Variants in DLC1 observed in about 807,000 individuals in gnomAD.
DLC1 encodes the protein rho GTPase-activating protein 7.
In DLC1, 54 loss-of-function variants were observed where a neutral mutation model predicts 140.3. That is an observed-to-expected ratio of 0.38 (90% CI 0.31 to 0.48). The LOEUF is 0.48. Ranked by LOEUF, DLC1 falls within the 20% of genes least tolerant of loss-of-function variation. The pLI, the probability that DLC1 is intolerant of heterozygous loss-of-function variation, is 0.96. For missense variants in DLC1, 2,536 were observed against 1,907.0 expected, an observed-to-expected ratio of 1.33 and a Z score of -6.14; for synonymous variants, 986 against 728.1, an observed-to-expected ratio of 1.35 and a Z score of -5.70.
At chr8:13,153,522 T>C (rs1428932985) in intron 5 of DLC1, among the ~76,000 whole-genome samples, 1 of 152,208 alleles carries the variant, frequency 6.6e-6, no homozygotes, top group Non-Finnish European at 1.5e-5. Flanking sequence ...CACTGCTGGC[T>C]CCAGCAGCCT....
At chr8:13,484,364 C>T (rs530834586) in intron 2 of DLC1, among the ~76,000 whole-genome samples, 1 of 152,118 alleles carries the variant, frequency 6.6e-6, no homozygotes, top group African/African-American at 2.4e-5. Flanking sequence ...TAGCTTAACT[C>T]TCTCTACCTA....
chr8:13,219,197 A>AGAATATAATTATATAATTATAATAT (rs1563174472), intron 5 of DLC1, among the ~76,000 whole-genome samples: 6 of 131,028 alleles, frequency 4.6e-5, no homozygotes, highest in African/African-American at 1.4e-4. Context: ...TAACTATATA[A>AGAATATAATTATATAATTATAATAT]GAATATAATT....
chr8:13,538,772 A>C (rs1803385738), intron 1 of DLC1, among the ~76,000 whole-genome samples: 1 of 152,244 alleles, frequency 6.6e-6, no homozygotes, highest in Non-Finnish European at 1.5e-5. Flanking sequence ...TTTCAAGCTC[A>C]GACTGCTGAC....
chr8:13,439,641 A>G (rs951851619), intron 2 of DLC1, among the ~76,000 whole-genome samples: 1 of 152,204 alleles, frequency 6.6e-6, no homozygotes, highest in East Asian at 1.9e-4. Flanking sequence ...GATAAAATCT[A>G]GACCAGTTAT....
intron 2 of DLC1, among the ~76,000 whole-genome samples, chr8:13,413,277 T>TTTTTTTTTTTTTTTTTG (rs1837880078): frequency 2.1e-5 from 3 of 146,114 alleles, no homozygotes; most frequent in Admixed American, 6.9e-5. Flanking sequence ...TTTTTTTTTT[T>TTTTTTTTTTTTTTTTTG]AGCTCATCAA....
chr8:13,324,956 A>C (rs1220785710), intron 4 of DLC1, among the ~76,000 whole-genome samples: 4 of 152,334 alleles, frequency 2.6e-5, no homozygotes, highest in East Asian at 1.9e-4. Context: ...TCATAAAATA[A>C]TCCAAATGGT....
At chr8:13,341,793 C>T (rs1370737969) in intron 4 of DLC1, 5 of 152,156 alleles carry the variant, frequency 3.3e-5, no homozygotes, top group African/African-American at 1.2e-4. Context: ...GGACAGGCCC[C>T]ATCAAGGCTA....
chr8:13,447,281 A>AT (rs1387871690), intron 2 of DLC1, among the ~76,000 whole-genome samples: 13 of 152,130 alleles, frequency 8.5e-5, no homozygotes, highest in African/African-American at 3.1e-4. Flanking sequence ...TTTACTAAAT[A>AT]TTTTTTGTGT....
intron 5 of DLC1, among the ~76,000 whole-genome samples, chr8:13,208,224 T>A (rs993827109): frequency 6.6e-6 from 1 of 152,182 alleles, no homozygotes; most frequent in African/African-American, 2.4e-5. Flanking sequence ...CATGAGGTTA[T>A]ATATGTATAC....
chr8:13,174,101 G>A (rs1825635805), intron 5 of DLC1, among the ~76,000 whole-genome samples: 1 of 152,084 alleles, frequency 6.6e-6, no homozygotes, highest in African/African-American at 2.4e-5. Context: ...CTTATGAGTG[G>A]GGACTGTGGT....
chr8:13,439,617 A>G lies in DLC1; in HGVS notation c.1024-37998T>C, dbSNP rs543414219. Among the ~76,000 whole-genome samples the G allele has an allele frequency of 8.5e-5, 13 of 152,280 alleles. No homozygotes were observed. In the East Asian group the frequency reaches 1.9e-3, roughly 23 times the overall value. On this transcript the variant is annotated intron_variant, in intron 2 of 17. Coordinates refer to ENST00000276297, the MANE Select transcript of DLC1 (RefSeq NM_182643.3). Reference sequence around the variant, plus strand: ...ACACCTGTATTTTCTTTGGTAGTCAACAATCCTTTCATCGATAAAATCTAG... The same window carrying G: ...ACACCTGTATTTTCTTTGGTAGTCAGCAATCCTTTCATCGATAAAATCTAG...
chr8:13,100,960 G>A (rs1819034246), intron 8 of DLC1, 190 bp from the exon 9 acceptor site: 2 of 568,594 alleles, frequency 3.5e-6, no homozygotes, highest in African/African-American at 2.2e-5. Flanking sequence ...AGGCTGTATT[G>A]CCCAGGCTGA....
At chr8:13,178,551 C>T (rs185622778) in intron 5 of DLC1, among the ~76,000 whole-genome samples, 6 of 139,162 alleles carry the variant, frequency 4.3e-5, no homozygotes, top group East Asian at 2.1e-4. Context: ...CCAGCCTGGG[C>T]GACAGAGTGA....
At chr8:13,491,260 C>G (rs1801226633) in intron 2 of DLC1, among the ~76,000 whole-genome samples, 1 of 151,750 alleles carries the variant, frequency 6.6e-6, no homozygotes, top group Non-Finnish European at 1.5e-5. Flanking sequence ...TCAATCTCCC[C>G]AATCATTTGT....
chr8:13,236,859 C>CTA (rs199678643), intron 5 of DLC1, among the ~76,000 whole-genome samples: 7,130 of 152,066 alleles, frequency 0.047, 198 homozygotes, highest in South Asian at 0.069. Context: ...AAAAACAAAG[C>CTA]TATAGCTAGG....
chr8:13,363,975 A>G (rs1244658362), intron 4 of DLC1, among the ~76,000 whole-genome samples: 2 of 152,116 alleles, frequency 1.3e-5, no homozygotes, highest in East Asian at 3.9e-4. Flanking sequence ...TGAAATTCCT[A>G]CAGTGGTTTC....
chr8:13,123,443 C>T (rs1376405980), intron 5 of DLC1, among the ~76,000 whole-genome samples: 2 of 151,902 alleles, frequency 1.3e-5, no homozygotes, highest in Non-Finnish European at 2.9e-5. Context: ...CAGGTTCAAG[C>T]GATTCTCCTG....
chr8:13,300,038 C>A (rs1466989071), intron 5 of DLC1, among the ~76,000 whole-genome samples: 2 of 152,076 alleles, frequency 1.3e-5, no homozygotes, highest in Non-Finnish European at 2.9e-5. Flanking sequence ...AACCCAAATG[C>A]CCATCAGTGA....
At chr8:13,403,256 G>C (rs1217958320) in intron 2 of DLC1, among the ~76,000 whole-genome samples, 1 of 152,262 alleles carries the variant, frequency 6.6e-6, no homozygotes, top group East Asian at 1.9e-4. Flanking sequence ...TTCTTATAAA[G>C]GGGTCCATGA....
Sources: allele counts gnomAD v4.1 joint callset (sites outside exome capture counted in the v4.1 genomes callset), GRCh38; gene constraint gnomAD v4.1.1; transcripts MANE v1.5; gene names NCBI Gene and HGNC (gene_info 2026-07-23, HGNC 2026-07-21).